Variants in IQCJ observed in about 807,000 individuals in gnomAD.
IQCJ encodes the protein IQ motif containing J.
In IQCJ, 9 loss-of-function variants were observed where a neutral mutation model predicts 11.0. The ratio of observed to expected loss-of-function variants is 0.82; its 90% CI spans 0.49 to 1.43. IQCJ has a LOEUF of 1.43. Among genes scored for constraint, IQCJ ranks in the 40% most tolerant of loss-of-function variants. The pLI, the probability that IQCJ is intolerant of heterozygous loss-of-function variation, is 0.00. For missense variants in IQCJ, 146 were observed against 133.2 expected (o/e 1.10, Z -0.47); for synonymous variants, 55 against 51.3 (o/e 1.07, Z -0.31).
intron 1 of IQCJ, among the ~76,000 whole-genome samples, chr3:159,084,046 C>A (rs1716519833): frequency 1.3e-5 from 2 of 151,976 alleles, no homozygotes; most frequent in South Asian, 4.1e-4. Flanking sequence ...AAACCACACG[C>A]ACACATATAC....
intron 1 of IQCJ, among the ~76,000 whole-genome samples, chr3:159,169,813 G>A (rs2108235493): frequency 6.6e-6 from 1 of 152,280 alleles, no homozygotes; most frequent in African/African-American, 2.4e-5. Context: ...GGTGGGAAGA[G>A]TCCTGAGGAC....
intron 1 of IQCJ, among the ~76,000 whole-genome samples, chr3:159,121,172 T>C (rs1346596440): frequency 1.3e-5 from 2 of 150,822 alleles, no homozygotes; most frequent in Non-Finnish European, 2.9e-5. Context: ...CTTGCACTGT[T>C]GCCCAGGCTG....
Position 159,087,754 on chromosome 3 carries a change from C to T in IQCJ, c.9+18313C>T, listed in dbSNP as rs61795969. Among the ~76,000 whole-genome samples, 57 of 150,064 alleles carry T rather than the reference C, an allele frequency of 3.8e-4. 1 individual carries two copies. The highest frequency in any genetic ancestry group is 1.2e-3 in the African/African-American group (50 of 40,750). ...ATGGTAGTTTGTATTTCTGTGGGAT[C>T]GGTGGTGATATCCCCTTTATCATTT... On this transcript the variant is annotated intron_variant, in intron 1 of 3. Transcript: ENST00000397832.
intron 1 of IQCJ, among the ~76,000 whole-genome samples, chr3:159,222,918 CTAAAG>C (rs1725635266): frequency 6.6e-6 from 1 of 151,794 alleles, no homozygotes; most frequent in Admixed American, 6.6e-5. Context: ...TTATTCAACT[CTAAAG>C]AAAAAGAAAA....
At chr3:159,086,775 G>C (rs1339151189) in intron 1 of IQCJ, among the ~76,000 whole-genome samples, 1 of 152,176 alleles carries the variant, frequency 6.6e-6, no homozygotes, top group African/African-American at 2.4e-5. Context: ...TTTGTATCCT[G>C]AGACCTTACT....
At chr3:159,171,866 C>T (rs1722501333) in intron 1 of IQCJ, among the ~76,000 whole-genome samples, 1 of 152,180 alleles carries the variant, frequency 6.6e-6, no homozygotes, top group Non-Finnish European at 1.5e-5. Context: ...GACCAGAGAC[C>T]TTGCACTTCT....
chr3:159,251,673 A>G (rs886529881), intron 2 of IQCJ, among the ~76,000 whole-genome samples: 2 of 152,064 alleles, frequency 1.3e-5, no homozygotes, highest in East Asian at 3.9e-4. Flanking sequence ...CTGAATTGGG[A>G]TGTTAAATAT....
intron 1 of IQCJ, among the ~76,000 whole-genome samples, chr3:159,116,213 AACAG>A (rs1393666050): frequency 1.3e-5 from 2 of 152,100 alleles, no homozygotes; most frequent in African/African-American, 4.8e-5. Flanking sequence ...CAGCCTGGAC[AACAG>A]AGAAAGACTC....
chr3:159,256,470 T>C lies in IQCJ; in HGVS notation c.155+3663T>C, dbSNP rs150946405. On this transcript the variant is annotated intron_variant, in intron 3 of 3. Transcript: ENST00000397832. ...ATTTGAGAGTAATACATTTCTACTTTAGTCAAAAATTTAATTAAAAGAAGA... is the reference window on the plus strand; with the variant it reads ...ATTTGAGAGTAATACATTTCTACTTCAGTCAAAAATTTAATTAAAAGAAGA... 5.5e-3 allele frequency among the ~76,000 whole-genome samples: 835 copies of C among 152,320 alleles called. 4 individuals carry two copies. The highest frequency in any genetic ancestry group is 0.019 in the African/African-American group (800 of 41,574).
chr3:159,076,121 C>T (rs376717550), intron 1 of IQCJ, among the ~76,000 whole-genome samples: 1 of 152,080 alleles, frequency 6.6e-6, no homozygotes, highest in Non-Finnish European at 1.5e-5. Context: ...GAATTTCTCA[C>T]TGAGCTTAAA....
At chr3:159,185,208 A>G (rs995772043) in intron 1 of IQCJ, among the ~76,000 whole-genome samples, 8 of 152,292 alleles carry the variant, frequency 5.3e-5, no homozygotes, top group African/African-American at 1.9e-4. Context: ...AACTGCCACA[A>G]AACAACCCTC....
rs569701741 is a variant in IQCJ, at chr3:159,160,567, A to G, written c.10-85276A>G. On this transcript the variant is annotated intron_variant, in intron 1 of 3. Transcript: ENST00000397832. ...ATTATTATACTTTAAGTTTTAGGGT[A>G]CATGTGCACAATGTGCAGGTTAGTT... 2.0e-3 allele frequency among the ~76,000 whole-genome samples: 310 copies of G among 151,878 alleles called. 1 individual carries two copies. The highest frequency in any genetic ancestry group is 3.7e-3 in the Non-Finnish European group (249 of 67,940).
chr3:159,239,651 G>A (rs1050527687), intron 1 of IQCJ, among the ~76,000 whole-genome samples: 1 of 152,190 alleles, frequency 6.6e-6, no homozygotes, highest in Non-Finnish European at 1.5e-5. Context: ...CTGTATCAGA[G>A]CAGCTTCAAG....
intron 1 of IQCJ, among the ~76,000 whole-genome samples, chr3:159,083,219 A>C (rs1401283829): frequency 6.6e-6 from 1 of 152,134 alleles, no homozygotes; most frequent in Non-Finnish European, 1.5e-5. Flanking sequence ...ATATCTAACA[A>C]AGGAATTGTA....
At chr3:159,173,512 T>A (rs1438779960) in intron 1 of IQCJ, among the ~76,000 whole-genome samples, 1 of 152,234 alleles carries the variant, frequency 6.6e-6, no homozygotes, top group Non-Finnish European at 1.5e-5. Context: ...CGTTACCCTT[T>A]CAGAATAATT....
At chr3:159,182,211 T>TA (rs61435903) in intron 1 of IQCJ, among the ~76,000 whole-genome samples, 27 of 151,400 alleles carry the variant, frequency 1.8e-4, no homozygotes, top group South Asian at 8.3e-4. Flanking sequence ...ATACTTTTTT[T>TA]AAAAAAAACA....
At chr3:159,193,342 T>G (rs941407436) in intron 1 of IQCJ, among the ~76,000 whole-genome samples, 4 of 152,224 alleles carry the variant, frequency 2.6e-5, no homozygotes, top group Admixed American at 2.0e-4. Context: ...GGTGGTGTAC[T>G]GGCCTTGAAA....
intron 1 of IQCJ, among the ~76,000 whole-genome samples, chr3:159,176,323 C>G (rs1169747302): frequency 6.6e-6 from 1 of 151,858 alleles, no homozygotes; most frequent in African/African-American, 2.4e-5. Context: ...TTACTGTTGT[C>G]TATTTTATTT....
intron 1 of IQCJ, among the ~76,000 whole-genome samples, chr3:159,166,195 T>A (rs6789496): frequency 0.68 from 103,214 of 151,974 alleles, 35,762 homozygotes; most frequent in African/African-American, 0.81. Context: ...CAGCATGTGA[T>A]AAATTAGATA....
Sources: allele counts gnomAD v4.1 joint callset (sites outside exome capture counted in the v4.1 genomes callset), GRCh38; gene constraint gnomAD v4.1.1; transcripts MANE v1.5; gene names NCBI Gene and HGNC (gene_info 2026-07-23, HGNC 2026-07-21).